Variants in HAGH observed in about 807,000 individuals in gnomAD.
HAGH encodes the protein hydroxyacylglutathione hydrolase, mitochondrial.
HAGH carries 29 observed loss-of-function variants against 35.1 expected under a neutral mutation model. The observed-to-expected ratio is 0.83, with a 90% CI of 0.62 to 1.13. HAGH has a LOEUF of 1.13. HAGH is among the 50% of genes most tolerant of loss of function. HAGH has a pLI of 0.00. For synonymous variants in HAGH, 225 were observed against 176.1 expected (o/e 1.28, Z -2.20); for missense variants, 478 against 419.6 (o/e 1.14, Z -1.22).
intron 1 of HAGH, 45 bp downstream of exon 1, chr16:1,826,667 C>G (rs914680181): frequency 1.0e-6 from 1 of 970,548 alleles, no homozygotes; most frequent in Non-Finnish European, 1.2e-6. Flanking sequence ...CTGCCCGCCC[C>G]GCCAGGCCCG....
chr16:1,819,526 A>G (rs373579560), intron 4 of HAGH, among the ~76,000 whole-genome samples: 1 of 152,132 alleles, frequency 6.6e-6, no homozygotes. Flanking sequence ...CTTCCCACAC[A>G]TGGCCTTTTG....
At position 1,826,723 on chromosome 16, in the gene HAGH, C is replaced by T. The variant is rs1354716508; in HGVS notation, c.65G>A (p.Arg22His). The T allele has an allele frequency of 2.6e-6, 3 of 1,147,488 alleles. No individual in the cohort carries two copies. The highest frequency in any genetic ancestry group is 3.5e-4 in the Middle Eastern group (1 of 2,846). The allele number at this position is 1,147,488 out of a possible 1,614,324, so 71.1% of individuals were successfully genotyped here. Residue 22 changes from arginine to histidine, a missense_variant, in exon 1 of 9, where the codon CGC becomes CAC. Physicochemically the swap from Arg to His is conservative, Grantham distance 29. Coordinates refer to ENST00000397356, the MANE Select transcript of HAGH (RefSeq NM_005326.6). Reference protein sequence around the residue: ...SLAALGAACARRGLGPALLGV... With the variant: ...SLAALGAACAHRGLGPALLGV... ...CCCGCCGCACCCACCGAGGCCTCGGCGGGCGCAGGCGGCTCCCAGCGCGGC... is the reference window on the plus strand; with the variant it reads ...CCCGCCGCACCCACCGAGGCCTCGGTGGGCGCAGGCGGCTCCCAGCGCGGC...
chr16:1,815,131 C>T (rs1004718864), intron 7 of HAGH, among the ~76,000 whole-genome samples: 1 of 106,534 alleles, frequency 9.4e-6, no homozygotes, highest in African/African-American at 3.3e-5. Context: ...GGGAAATCCA[C>T]ATTTTAAAGG....
Position 1,823,002 on chromosome 16 carries a change from A to C in HAGH, c.112T>G (p.Leu38Val). 1 of 1,613,926 alleles carries C rather than the reference A, an allele frequency of 6.2e-7. No homozygotes were observed. The highest frequency in any genetic ancestry group is 8.5e-7 in the Non-Finnish European group (1 of 1,180,012). ...ALLGVFCHTDLRKNLTVDEGT... is the reference protein window; with the variant it reads ...ALLGVFCHTDVRKNLTVDEGT... ...TCGTCCACGGTCAGGTTCTTCCGCA[A>C]ATCTGTGTGGCAGAAAACTCCCAGC... Residue 38 changes from leucine (L) to valine (V), a missense_variant, in exon 2 of 9, where the codon TTG becomes GTG. Physicochemically the swap from Leu to Val is conservative, Grantham distance 32 (BLOSUM62 1). Coordinates refer to ENST00000397356, the MANE Select transcript of HAGH (RefSeq NM_005326.6).
chr16:1,819,899 G>A lies in HAGH; in HGVS notation c.430C>T (p.Gln144Ter). ...CACCTCCAGGGCTCACTCCTTACCT[G>A]CAGTGTGGACAGGTGAGTGATCTTG... ...THKITHLSTL[Q>*]VGSLNVKCLA... Residue 144 changes from glutamine (Q) to a stop codon, truncating the protein, a stop_gained and splice_region_variant, in exon 4 of 9, where the codon CAG becomes TAG. Coordinates refer to ENST00000397356, the MANE Select transcript of HAGH (RefSeq NM_005326.6). LOFTEE classifies it high-confidence loss of function. The A allele has an allele frequency of 6.3e-7, 1 of 1,591,070 alleles. No homozygotes were observed.
At chr16:1,812,521 A>AC (rs1555466970) in intron 7 of HAGH, 1 of 6,164 alleles carries the variant, frequency 1.6e-4, no homozygotes, top group Non-Finnish European at 5.4e-4. Context: ...AAAAAAAAAC[A>AC]AAAAAAAAAC....
At chr16:1,814,396 C>A (rs1375387974) in intron 7 of HAGH, among the ~76,000 whole-genome samples, 11 of 151,642 alleles carry the variant, frequency 7.3e-5, no homozygotes. Context: ...ATCGCTTAAA[C>A]CCAGGAGGTG....
Position 1,822,936 on chromosome 16 carries a change from T to G in HAGH, c.178A>C (p.Asn60His). 1 of 1,613,828 alleles carries G rather than the reference T, an allele frequency of 6.2e-7. No individual in the cohort carries two copies. Among genetic ancestry groups the G allele is most frequent in the South Asian group, 1.1e-5 (1 of 91,082 alleles). Residue 60 changes from asparagine to histidine, a missense_variant, in exon 2 of 9, where the codon AAC becomes CAC. Asn to His is a moderately conservative substitution (Grantham distance 68). Transcript: ENST00000397356. ...TCATCAATGACCAGGTACATGTAGT[T>G]GTCGGTCAGGGCAGGCAGCACCTCT... The part of the protein sequence containing the change: ...KVEVLPALTD[N>H]YMYLVIDDET...
At chr16:1,816,511 C>G (rs1370620646) in intron 7 of HAGH, among the ~76,000 whole-genome samples, 2 of 152,180 alleles carry the variant, frequency 1.3e-5, no homozygotes, top group Non-Finnish European at 2.9e-5. Context: ...TTTGGCCCAG[C>G]TGGCCTGGGC....
At position 1,817,251 on chromosome 16, in the gene HAGH, C is replaced by A; in HGVS notation, c.562G>T (p.Gly188Cys). 1 of 1,612,502 alleles carries A rather than the reference C, an allele frequency of 6.2e-7. No individual in the cohort carries two copies. The highest frequency in any genetic ancestry group is 2.2e-5 in the East Asian group (1 of 44,866). ...GTCCCTTCATAGAACTTCCCGCAGC[C>A]AGCCACAAACAAGGTGTCACCTGGA... ...VFTGDTLFVA[G>C]CGKFYEGTAD... The change falls in exon 6 of 9, where the codon GGC becomes TGC. Residue 188 changes from glycine (G) to cysteine (C), a missense_variant. Gly to Cys is a radical substitution (Grantham distance 159). Transcript: ENST00000397356.
intron 1 of HAGH, among the ~76,000 whole-genome samples, chr16:1,826,126 A>C (rs1427185895): frequency 6.6e-6 from 1 of 152,194 alleles, no homozygotes; most frequent in East Asian, 1.9e-4. Context: ...CGAGATCTGG[A>C]AACCGCCAGG....
At chr16:1,825,978 GCA>G (rs1898390801) in intron 1 of HAGH, among the ~76,000 whole-genome samples, 2 of 152,234 alleles carry the variant, frequency 1.3e-5, no homozygotes, top group African/African-American at 4.8e-5. Context: ...CCCTGCCGAT[GCA>G]CACAGTCCCG....
intron 7 of HAGH, among the ~76,000 whole-genome samples, chr16:1,814,433 C>T (rs1236255441): frequency 3.3e-5 from 5 of 149,662 alleles, no homozygotes; most frequent in Admixed American, 6.6e-5. Context: ...GAGATCGCGC[C>T]GCTGCACTCC....
At position 1,809,301 on chromosome 16, in the gene HAGH, G is replaced by A. The variant is rs1223926607; in HGVS notation, c.909C>T (p.Phe303=). 3.7e-6 allele frequency: 6 copies of A among 1,612,236 alleles called. No homozygotes were observed. In the African/African-American group the frequency reaches 6.7e-5, roughly 18 times the overall value. The change falls in exon 9 of 9, where the codon TTC becomes TTT. Residue 303 remains phenylalanine, a synonymous_variant. Transcript: ENST00000397356. ...GGCGGCCTCAGTCCCGGGGCATCTT[G>A]AACTGGTCCTTCTCCCTGCGCACGG... ...MRAVRREKDQ[F]KMPRD
intron 7 of HAGH, chr16:1,810,280 C>A (rs907820024): frequency 6.0e-5 from 10 of 165,596 alleles, no homozygotes; most frequent in Non-Finnish European, 1.2e-4. Flanking sequence ...GAGAAGCCAG[C>A]GTCCGGGATG....
Position 1,817,203 on chromosome 16 carries a change from G to C in HAGH, c.610C>G (p.Leu204Val), listed in dbSNP as rs1294200125. Residue 204 changes from leucine to valine, a missense_variant, in exon 6 of 9, where the codon CTG (leucine) becomes GTG (valine). By Grantham distance (32) the Leu-to-Val change is conservative. Transcript: ENST00000397356. ...GGGAGCCGGCCCAAGACCTCCAGCA[G>C]AGCTTTACACATCTCATCCGCAGTC... ...EGTADEMCKA[L>V]LEVLGRLPPD... is the part of the protein sequence containing the mutation. 1.2e-6 allele frequency: 2 copies of C among 1,613,024 alleles called. No homozygotes were observed. The highest frequency in any genetic ancestry group is 1.7e-6 in the Non-Finnish European group (2 of 1,179,092).
chr16:1,824,814 G>A (rs759647729), intron 1 of HAGH, among the ~76,000 whole-genome samples: 14 of 152,124 alleles, frequency 9.2e-5, no homozygotes, highest in Non-Finnish European at 1.5e-4. Flanking sequence ...TTCTCCTCAG[G>A]AACAATAATA....
At chr16:1,816,733 T>C (rs1897909032) in intron 7 of HAGH, among the ~76,000 whole-genome samples, 160 bp downstream of exon 7, 1 of 152,178 alleles carries the variant, frequency 6.6e-6, no homozygotes, top group African/African-American at 2.4e-5. Context: ...ATAGAACCCC[T>C]GGGTTTGCCG....
chr16:1,823,856 G>A (rs1898272413), intron 1 of HAGH, among the ~76,000 whole-genome samples: 1 of 149,516 alleles, frequency 6.7e-6, no homozygotes, highest in Admixed American at 6.7e-5. Flanking sequence ...TCAGACTTAC[G>A]ATCTCTATTT....
Sources: allele counts gnomAD v4.1 joint callset (sites outside exome capture counted in the v4.1 genomes callset), GRCh38; gene constraint gnomAD v4.1.1; transcripts MANE v1.5; gene names NCBI Gene and HGNC (gene_info 2026-07-23, HGNC 2026-07-21).